The following ATG7 variants were observed in gnomAD, a reference collection of about 807,000 sequenced individuals.
The protein encoded by ATG7 is autophagy related 7.
A neutral mutation model predicts 82.4 loss-of-function variants in ATG7; 70 were observed. The observed-to-expected ratio is 0.85, with a 90% CI of 0.70 to 1.04. The LOEUF is 1.04. ATG7 is among the 50% of genes least tolerant of loss of function. The probability of loss-of-function intolerance (pLI) is 0.00; values close to 1 mark genes in which losing one functional copy is unlikely to be tolerated. For synonymous variants in ATG7, 287 were observed against 313.0 expected (o/e 0.92, Z 0.88); for missense variants, 792 against 864.3 (o/e 0.92, Z 1.05).
intron 20 of ATG7, among the ~76,000 whole-genome samples, chr3:11,475,595 C>G (rs562521320): frequency 6.6e-6 from 1 of 152,224 alleles, no homozygotes; most frequent in Non-Finnish European, 1.5e-5. Context: ...CGGATGCTAC[C>G]CTCTGCAGTC....
chr3:11,314,589 G>T (rs1949131500), intron 8 of ATG7, among the ~76,000 whole-genome samples: 1 of 152,048 alleles, frequency 6.6e-6, no homozygotes, highest in African/African-American at 2.4e-5. Context: ...GCATAACCCT[G>T]TGAACATACT....
At chr3:11,557,774 A>G (rs1022003499), downstream of ATG7, 2 of 152,686 alleles carry the variant, frequency 1.3e-5, no homozygotes, top group African/African-American at 4.8e-5. Flanking sequence ...GAATCCTCCA[A>G]CCTCAGCTCT....
intron 19 of ATG7, among the ~76,000 whole-genome samples, chr3:11,416,355 G>A (rs186757853): frequency 6.6e-6 from 1 of 152,150 alleles, no homozygotes; most frequent in Admixed American, 6.5e-5. Context: ...TATTTGGGAA[G>A]GTTATTAATT....
chr3:11,292,890 A>C (rs539046747), intron 3 of ATG7, among the ~76,000 whole-genome samples: 1 of 152,286 alleles, frequency 6.6e-6, no homozygotes, highest in South Asian at 2.1e-4. Flanking sequence ...TGCTGTGCCT[A>C]GTTTTGGTCT....
intron 20 of ATG7, among the ~76,000 whole-genome samples, chr3:11,475,354 G>C (rs1468113883): frequency 6.6e-6 from 1 of 152,146 alleles, no homozygotes; most frequent in Admixed American, 6.5e-5. Context: ...AGGAATCTGA[G>C]GTGGACAGAG....
intron 20 of ATG7, among the ~76,000 whole-genome samples, chr3:11,505,801 G>A (rs962192236): frequency 2.6e-5 from 4 of 152,222 alleles, no homozygotes; most frequent in African/African-American, 9.6e-5. Context: ...CGTGGCTTAA[G>A]TGCTAGTCAG....
At chr3:11,572,501 G>C in the ATG7 span, among the ~76,000 whole-genome samples, 8 of 152,140 alleles carry the variant, frequency 5.3e-5, no homozygotes, top group Non-Finnish European at 2.9e-5. Context: ...ACATGCAGAC[G>C]CATGAGGTCC....
intron 20 of ATG7, chr3:11,477,258 T>A: frequency 1.6e-6 from 2 of 1,274,068 alleles, no homozygotes; most frequent in South Asian, 1.3e-5. Context: ...TTGGCTGCTT[T>A]GTTCCATAAG....
intron 20 of ATG7, among the ~76,000 whole-genome samples, chr3:11,471,897 A>C (rs1231102686): frequency 6.6e-6 from 1 of 151,664 alleles, no homozygotes; most frequent in Admixed American, 6.6e-5. Flanking sequence ...GTCACCATGC[A>C]CAGCTAGTTT....
Position 11,555,545 on chromosome 3 carries a change from G to A in ATG7, c.*702G>A, listed in dbSNP as rs932049669. 2.0e-5 allele frequency: 3 copies of A among 152,934 alleles called. No homozygotes were observed. The highest frequency in any genetic ancestry group is 7.2e-5 in the African/African-American group (3 of 41,398). 9.5% of individuals were successfully genotyped at this position (152,934 alleles called of 1,614,324 possible). On this transcript the variant is annotated 3_prime_UTR_variant, in exon 21 of 21. Transcript: ENST00000693202. The stretch of plus-strand genomic sequence containing the variant: ...GGAGTTTCTGCTGCTGCCTTGAGCT[G>A]GGGGGAAGAGCCCAGGGGCAGATCC...
At chr3:11,360,310 T>C (rs2076208493) in intron 15 of ATG7, among the ~76,000 whole-genome samples, 1 of 152,188 alleles carries the variant, frequency 6.6e-6, no homozygotes, top group Admixed American at 6.5e-5. Flanking sequence ...CCTCCCAAAG[T>C]GCTGGGATTA....
chr3:11,484,355 C>T (rs1440820989), intron 20 of ATG7, among the ~76,000 whole-genome samples: 2 of 152,194 alleles, frequency 1.3e-5, no homozygotes, highest in Non-Finnish European at 2.9e-5. Flanking sequence ...AATCATGCCA[C>T]TGTACTCTAG....
At chr3:11,437,104 C>T (rs2083436430) in intron 20 of ATG7, among the ~76,000 whole-genome samples, 1 of 152,128 alleles carries the variant, frequency 6.6e-6, no homozygotes, top group Admixed American at 6.6e-5. Context: ...AAAAAGTGCC[C>T]ATAGTTGGGG....
At chr3:11,443,759 G>GT (rs1466577975) in intron 20 of ATG7, among the ~76,000 whole-genome samples, 1 of 152,110 alleles carries the variant, frequency 6.6e-6, no homozygotes, top group Admixed American at 6.5e-5. Context: ...CTTTAGAAAA[G>GT]TTAAAGTGAC....
intron 20 of ATG7, among the ~76,000 whole-genome samples, chr3:11,473,655 G>C (rs2087793649): frequency 6.6e-6 from 1 of 152,204 alleles, no homozygotes; most frequent in African/African-American, 2.4e-5. Flanking sequence ...ATTTAAGATA[G>C]AGTCACTTCT....
chr3:11,559,315 A>C (rs913061894), downstream of ATG7: 24 of 1,521,320 alleles, frequency 1.6e-5, no homozygotes, highest in Admixed American at 6.4e-5. Flanking sequence ...ACAGGTGAGG[A>C]GGCCCGGGAC....
intron 13 of ATG7, 67 bp downstream of exon 13, chr3:11,342,346 C>T (rs770214539): frequency 1.3e-6 from 2 of 1,518,506 alleles, no homozygotes; most frequent in South Asian, 2.6e-5. Flanking sequence ...GTTTTACTCT[C>T]ATGATTGCCT....
At chr3:11,521,072 T>A (rs116350816) in intron 20 of ATG7, among the ~76,000 whole-genome samples, 1,763 of 152,248 alleles carry the variant, frequency 0.012, 33 homozygotes, top group African/African-American at 0.04. Context: ...CCTTCCATGA[T>A]ATGGGGAACA....
intron 20 of ATG7, among the ~76,000 whole-genome samples, chr3:11,492,277 C>T (rs899909005): frequency 1.3e-4 from 20 of 152,222 alleles, no homozygotes; most frequent in Non-Finnish European, 2.8e-4. Context: ...ACTCCCTGAC[C>T]CCTTGCACTT....
Sources: gnomAD v4.1 joint callset for allele counts (sites outside exome capture counted in the v4.1 genomes callset) on GRCh38, gnomAD v4.1.1 for gene constraint, MANE v1.5 for transcripts, NCBI Gene and HGNC (gene_info 2026-07-23, HGNC 2026-07-21) for gene names.